The following TERF2 variants were observed in gnomAD, a reference collection of about 807,000 sequenced individuals.
The protein encoded by TERF2 is telomeric repeat binding factor 2, also known as telomeric repeat-binding factor 2.
TERF2 carries 16 observed loss-of-function variants against 56.1 expected under a neutral mutation model. That is an observed-to-expected ratio of 0.29 (90% confidence interval 0.19 to 0.43). The LOEUF is 0.43. TERF2 is among the 20% of genes least tolerant of loss of function. TERF2 has a pLI of 1.00. For synonymous variants in TERF2, 296 were observed against 282.1 expected, an observed-to-expected ratio of 1.05 and a Z score of -0.50; for missense variants, 547 against 712.9, an observed-to-expected ratio of 0.77 and a Z score of 2.65.
chr16:69,357,083 T>C (rs1290810329), intron 9 of TERF2, 27 bp from the exon 10 acceptor site: 3 of 1,596,738 alleles, frequency 1.9e-6, no homozygotes, highest in Admixed American at 3.5e-5. Flanking sequence ...AAAGATTTAT[T>C]ACCACCTTTC....
In TERF2 at chr16:69,356,787, G is replaced by A. The variant is rs1429511887; in HGVS notation, c.*111C>T. The A allele has an allele frequency of 1.8e-5, 22 of 1,220,080 alleles. No homozygotes were observed. The highest frequency in any genetic ancestry group is 2.8e-4 in the Middle Eastern group (1 of 3,610). The allele number at this position is 1,220,080 out of a possible 1,614,324, so 75.6% of individuals were successfully genotyped here. ...TGCACTCCAGCCTGGGTGACAGAGC[G>A]AGACTCTGTCTCAAAAAAAAAAAAA... On this transcript the variant is annotated 3_prime_UTR_variant, in exon 10 of 10. Coordinates refer to ENST00000254942, the MANE Select transcript of TERF2 (RefSeq NM_005652.5).
chr16:69,377,328 T>C (rs1390357627), intron 3 of TERF2, among the ~76,000 whole-genome samples: 1 of 152,120 alleles, frequency 6.6e-6, no homozygotes, highest in Non-Finnish European at 1.5e-5. Flanking sequence ...ACATTCAGTC[T>C]TAATTTTTTT....
chr16:69,358,321 T>C (rs1201275215), intron 8 of TERF2, among the ~76,000 whole-genome samples: 1 of 152,126 alleles, frequency 6.6e-6, no homozygotes, highest in Non-Finnish European at 1.5e-5. Context: ...CTAATTTTTG[T>C]ATTTTTAGTA....
chr16:69,369,309 A>T (rs145392215), intron 5 of TERF2, among the ~76,000 whole-genome samples: 9 of 152,250 alleles, frequency 5.9e-5, no homozygotes, highest in Non-Finnish European at 1.2e-4. Flanking sequence ...ATCTGTTACG[A>T]GACAGAATAT....
intron 3 of TERF2, among the ~76,000 whole-genome samples, chr16:69,382,612 G>T (rs2014044844): frequency 6.6e-6 from 1 of 152,154 alleles, no homozygotes; most frequent in African/African-American, 2.4e-5. Context: ...TTGGGTTCTT[G>T]CTCTCTTGCA....
chr16:69,356,128 C>G lies in TERF2; in HGVS notation c.*770G>C. The G allele has an allele frequency of 2.3e-6, 1 of 440,976 alleles. No individual in the cohort carries two copies. The highest frequency in any genetic ancestry group is 2.0e-5 in the African/African-American group (1 of 49,588). The allele number at this position is 440,976 out of a possible 1,614,324, so 27.3% of individuals were successfully genotyped here. A position where few individuals can be genotyped will look rare whatever the true frequency, so the allele number is the denominator to read the frequency against. Reference sequence around the variant, plus strand: ...GACTGGTCTGTCATCAACCTGGGTTCATAACAGACTAAGTTCCTTTGCATT... The same window carrying G: ...GACTGGTCTGTCATCAACCTGGGTTGATAACAGACTAAGTTCCTTTGCATT... On this transcript the variant is annotated 3_prime_UTR_variant, in exon 10 of 10. Transcript: ENST00000254942.
intron 3 of TERF2, among the ~76,000 whole-genome samples, chr16:69,377,349 G>C (rs979452656): frequency 2.0e-5 from 3 of 151,370 alleles, no homozygotes; most frequent in African/African-American, 7.3e-5. Context: ...TCTTTTTTGA[G>C]ATGGAGTCTT....
chr16:69,379,705 T>C (rs1258601630), intron 3 of TERF2, among the ~76,000 whole-genome samples: 1 of 152,190 alleles, frequency 6.6e-6, no homozygotes, highest in African/African-American at 2.4e-5. Context: ...TATTAATTCA[T>C]TAGAAAATAA....
intron 3 of TERF2, 76 bp downstream of exon 3, chr16:69,384,503 AG>A: frequency 1.3e-6 from 2 of 1,490,442 alleles, no homozygotes; most frequent in Admixed American, 2.0e-5. Context: ...TGCCCCACAC[AG>A]TAAAGAGTAA....
chr16:69,374,204 T>C (rs768064360), intron 3 of TERF2, among the ~76,000 whole-genome samples: 7 of 152,226 alleles, frequency 4.6e-5, no homozygotes, highest in Non-Finnish European at 1.0e-4. Flanking sequence ...TAAAATTCTA[T>C]TTAACTTGCA....
Position 69,384,689 on chromosome 16 carries a change from G to A in TERF2, c.497C>T (p.Ala166Val). The change falls in exon 3 of 10, where the codon GCT becomes GTT. Residue 166 changes from alanine to valine, a missense_variant. Physicochemically the swap from Ala to Val is moderately conservative, Grantham distance 64. Transcript: ENST00000254942. ...ENLDCSFDME[A>V]ELTPLESAIN... ...AGCTGATTCCAGTGGTGTGAGCTCA[G>A]CCTCCATATCAAAGGAACAGTCTAG... is the stretch of plus-strand genomic sequence containing the variant. 1 of 1,613,974 alleles carries A rather than the reference G, an allele frequency of 6.2e-7. No homozygotes were observed. The highest frequency in any genetic ancestry group is 8.5e-7 in the Non-Finnish European group (1 of 1,179,980).
chr16:69,384,287 C>T (rs2014108513), intron 3 of TERF2, among the ~76,000 whole-genome samples: 1 of 152,098 alleles, frequency 6.6e-6, no homozygotes, highest in Non-Finnish European at 1.5e-5. Flanking sequence ...TACTTAAGGC[C>T]CTTGTAGAGT....
intron 3 of TERF2, among the ~76,000 whole-genome samples, chr16:69,375,241 C>A (rs757081663): frequency 4.3e-4 from 65 of 152,162 alleles, no homozygotes; most frequent in Non-Finnish European, 6.0e-4. Flanking sequence ...TAAGGTAAAA[C>A]TTCTCATTTC....
At chr16:69,367,283 G>A in intron 6 of TERF2, 84 bp from the exon 7 acceptor site, 1 of 1,440,318 alleles carries the variant, frequency 6.9e-7, no homozygotes, top group Non-Finnish European at 9.3e-7. Context: ...GAAGTTTGAA[G>A]CTTCAAATTC....
chr16:69,371,143 T>C (rs2013558473), intron 4 of TERF2, among the ~76,000 whole-genome samples: 1 of 152,276 alleles, frequency 6.6e-6, no homozygotes, highest in Admixed American at 6.5e-5. Flanking sequence ...CCAAACTCTT[T>C]GGTTATACCT....
At chr16:69,369,448 G>A (rs1406664341) in intron 5 of TERF2, among the ~76,000 whole-genome samples, 5 of 152,170 alleles carry the variant, frequency 3.3e-5, no homozygotes, top group East Asian at 1.9e-4. Context: ...ACAGGCACGC[G>A]CCACCACACC....
chr16:69,366,753 C>T (rs1184866072), intron 7 of TERF2, 54 bp downstream of exon 7: 4 of 1,550,404 alleles, frequency 2.6e-6, no homozygotes, highest in Non-Finnish European at 3.5e-6. Flanking sequence ...TAATACCAGG[C>T]CCAACCAGGA....
chr16:69,383,560 T>C (rs772601224), intron 3 of TERF2, among the ~76,000 whole-genome samples: 8 of 152,224 alleles, frequency 5.3e-5, no homozygotes, highest in South Asian at 2.1e-4. Flanking sequence ...ACTCTTGAAA[T>C]TATTCTTCCT....
At position 69,385,889 on chromosome 16, in the gene TERF2, C is replaced by A; in HGVS notation, c.83G>T (p.Arg28Leu). 3 of 1,374,228 alleles carry A rather than the reference C, an allele frequency of 2.2e-6. No homozygotes were observed. Among genetic ancestry groups the A allele is most frequent in the East Asian group, 3.1e-5 (1 of 32,420 alleles). 85.1% of individuals were successfully genotyped at this position (1,374,228 alleles called of 1,614,324 possible). ...RDPAASQPRKRPGREGGEGAR... is the reference protein window; with the variant it reads ...RDPAASQPRKLPGREGGEGAR... ...GCCCTCCCCGCCCTCCCGGCCGGGC[C>A]GCTTCCTCGGCTGTGACGCCGCTGG... Residue 28 changes from arginine (R) to leucine (L), a missense_variant, in exon 1 of 10, where the codon CGG (arginine) becomes CTG (leucine). By Grantham distance (102) the Arg-to-Leu change is moderately radical (BLOSUM62 -2). Coordinates refer to ENST00000254942, the MANE Select transcript of TERF2 (RefSeq NM_005652.5).
Sources: gnomAD v4.1 joint callset for allele counts (sites outside exome capture counted in the v4.1 genomes callset) on GRCh38, gnomAD v4.1.1 for gene constraint, MANE v1.5 for transcripts, NCBI Gene and HGNC (gene_info 2026-07-23, HGNC 2026-07-21) for gene names.